TRIO: variants seen among roughly 807,000 people sequenced by gnomAD.
The protein encoded by TRIO is triple functional domain protein.
A neutral mutation model predicts 351.9 loss-of-function variants in TRIO; 58 were observed. The ratio of observed to expected loss-of-function variants is 0.16; its 90% CI spans 0.13 to 0.21. The LOEUF is 0.21. Among genes scored for constraint, TRIO ranks in the 10% least tolerant of loss-of-function variants. The pLI is 1.00. For synonymous variants in TRIO, 1,758 were observed against 1,595.7 expected, an observed-to-expected ratio of 1.10 and a Z score of -2.42; for missense variants, 3,201 against 4,027.8, an observed-to-expected ratio of 0.79 and a Z score of 5.56.
intron 2 of TRIO, among the ~76,000 whole-genome samples, chr5:14,272,367 C>T (rs542098044): frequency 2.0e-5 from 3 of 152,234 alleles, no homozygotes; most frequent in South Asian, 2.1e-4. Context: ...TTCATTAGTA[C>T]GTGGAGATGG....
chr5:14,403,498 G>GA (rs1457823305), intron 31 of TRIO, among the ~76,000 whole-genome samples: 1 of 111,198 alleles, frequency 9.0e-6, no homozygotes, highest in African/African-American at 3.8e-5. Flanking sequence ...TGGTGGTGGT[G>GA]AGGGTGTAGG....
At chr5:14,207,255 T>G (rs1018711260) in intron 1 of TRIO, among the ~76,000 whole-genome samples, 3 of 120,144 alleles carry the variant, frequency 2.5e-5, no homozygotes, top group South Asian at 2.7e-4. Context: ...CATAGCAAGA[T>G]GGTCTCTACA....
intron 11 of TRIO, among the ~76,000 whole-genome samples, chr5:14,351,221 T>A (rs765656364): frequency 6.6e-6 from 1 of 152,348 alleles, no homozygotes; most frequent in South Asian, 2.1e-4. Context: ...CTCTTTCTTA[T>A]CAGGGCAGCA....
At chr5:14,291,273 C>A in intron 5 of TRIO, 45 bp downstream of exon 5, 1 of 1,583,882 alleles carries the variant, frequency 6.3e-7, no homozygotes, top group South Asian at 1.2e-5. Flanking sequence ...TGGGGGAAGC[C>A]AGCGCTGGTG....
At chr5:14,343,792 T>C (rs1233026669) in intron 11 of TRIO, among the ~76,000 whole-genome samples, 3 of 152,226 alleles carry the variant, frequency 2.0e-5, no homozygotes, top group African/African-American at 7.2e-5. Context: ...AGGAGTGCGT[T>C]TGCTGGGTCC....
intron 34 of TRIO, among the ~76,000 whole-genome samples, chr5:14,450,543 GA>G (rs553421464): frequency 4.1e-5 from 6 of 147,974 alleles, no homozygotes; most frequent in East Asian, 2.0e-4. Context: ...GATTATTTAA[GA>G]AAAAAAAAAC....
chr5:14,224,901 T>C (rs1792887791), intron 1 of TRIO, among the ~76,000 whole-genome samples: 1 of 151,954 alleles, frequency 6.6e-6, no homozygotes, highest in South Asian at 2.1e-4. Flanking sequence ...GCAATAGGTG[T>C]TTTTAGTATC....
chr5:14,365,085 T>A (rs1366317044), intron 15 of TRIO, among the ~76,000 whole-genome samples: 1 of 152,220 alleles, frequency 6.6e-6, no homozygotes, highest in East Asian at 1.9e-4. Context: ...GCCCTTGGCT[T>A]CTTTCAGTAT....
At chr5:14,173,183 T>C (rs1039075406) in intron 1 of TRIO, among the ~76,000 whole-genome samples, 3 of 149,900 alleles carry the variant, frequency 2.0e-5, no homozygotes, top group Admixed American at 1.3e-4. Context: ...GCTCACATTG[T>C]ATGTTCCTTT....
At chr5:14,343,164 G>A (rs969542131) in intron 11 of TRIO, among the ~76,000 whole-genome samples, 1 of 151,260 alleles carries the variant, frequency 6.6e-6, no homozygotes, top group Admixed American at 6.6e-5. Context: ...CACAGCGGTA[G>A]CATCTTGCAT....
At chr5:14,307,201 C>T (rs1426367372) in intron 8 of TRIO, among the ~76,000 whole-genome samples, 1 of 152,142 alleles carries the variant, frequency 6.6e-6, no homozygotes, top group Non-Finnish European at 1.5e-5. Flanking sequence ...TACGTTGCTC[C>T]ACCCTCTCTC....
chr5:14,493,897 A>C (rs1036256927), intron 49 of TRIO, among the ~76,000 whole-genome samples: 3 of 152,236 alleles, frequency 2.0e-5, no homozygotes, highest in Non-Finnish European at 4.4e-5. Context: ...TCTGGATAGA[A>C]GATCAAACCA....
intron 37 of TRIO, among the ~76,000 whole-genome samples, chr5:14,469,372 T>C (rs1051324648): frequency 7.2e-5 from 11 of 152,220 alleles, no homozygotes; most frequent in Non-Finnish European, 1.6e-4. Flanking sequence ...CATTATTTTG[T>C]TCATCTCTTT....
At chr5:14,148,659 C>G (rs906033269) in intron 1 of TRIO, among the ~76,000 whole-genome samples, 1 of 152,206 alleles carries the variant, frequency 6.6e-6, no homozygotes, top group Non-Finnish European at 1.5e-5. Flanking sequence ...ATAGTAGCGA[C>G]TCCCTGGACA....
chr5:14,389,886 C>A (rs1473741869), intron 25 of TRIO, among the ~76,000 whole-genome samples: 1 of 152,180 alleles, frequency 6.6e-6, no homozygotes, highest in East Asian at 1.9e-4. Context: ...GCAGAAGCTC[C>A]TTTAGGTGGC....
At chr5:14,276,794 G>A (rs1399138893) in intron 2 of TRIO, among the ~76,000 whole-genome samples, 1 of 152,202 alleles carries the variant, frequency 6.6e-6, no homozygotes, top group Non-Finnish European at 1.5e-5. Context: ...AGAGAAAGAG[G>A]TGATTGTGAA....
chr5:14,254,914 A>G (rs1335162333), intron 1 of TRIO, among the ~76,000 whole-genome samples: 1 of 152,164 alleles, frequency 6.6e-6, no homozygotes, highest in Non-Finnish European at 1.5e-5. Flanking sequence ...AAATGGGAGG[A>G]ACTATTAGAG....
chr5:14,459,177 A>G (rs1229741817), intron 34 of TRIO, among the ~76,000 whole-genome samples: 2 of 152,226 alleles, frequency 1.3e-5, no homozygotes, highest in Non-Finnish European at 2.9e-5. Flanking sequence ...GGAACGGGAC[A>G]GCAGTGAGAC....
chr5:14,365,604 CT>C (rs1744526654), intron 15 of TRIO, among the ~76,000 whole-genome samples: 1 of 152,188 alleles, frequency 6.6e-6, no homozygotes, highest in Non-Finnish European at 1.5e-5. Context: ...CAAAGCCCTC[CT>C]TCTTGCCAAA....
Sources: gnomAD v4.1 joint callset for allele counts (sites outside exome capture counted in the v4.1 genomes callset) on GRCh38, gnomAD v4.1.1 for gene constraint, MANE v1.5 for transcripts, NCBI Gene and HGNC (gene_info 2026-07-23, HGNC 2026-07-21) for gene names.